Variants in SAMHD1 observed in about 807,000 individuals in gnomAD.
The protein encoded by SAMHD1 is deoxynucleoside triphosphate triphosphohydrolase SAMHD1.
In SAMHD1, 54 loss-of-function variants were observed where a neutral mutation model predicts 79.6. The ratio of observed to expected loss-of-function variants is 0.68; its 90% confidence interval spans 0.55 to 0.85. SAMHD1 has a LOEUF of 0.85. Ranked by LOEUF, SAMHD1 falls within the 40% of genes least tolerant of loss-of-function variation. The pLI is 0.00. For missense variants in SAMHD1, 663 were observed against 782.7 expected, an observed-to-expected ratio of 0.85 and a Z score of 1.82; for synonymous variants, 260 against 264.1, an observed-to-expected ratio of 0.98 and a Z score of 0.15.
chr20:36,892,800 G>T lies in SAMHD1; in HGVS notation c.*132C>A. The stretch of plus-strand genomic sequence containing the variant: ...TATTTCTTTGATTAAAAGTTACTTA[G>T]CTTCAGCATGCGTGTACATTCAAAA... On this transcript the variant is annotated 3_prime_UTR_variant, in exon 16 of 16. Coordinates refer to ENST00000646673, the MANE Select transcript of SAMHD1 (RefSeq NM_015474.4). The T allele has an allele frequency of 8.7e-7, 1 of 1,148,162 alleles. No individual in the cohort carries two copies. The highest frequency in any genetic ancestry group is 1.3e-6 in the Non-Finnish European group (1 of 757,654). The allele number at this position is 1,148,162 out of a possible 1,614,324, so 71.1% of individuals were successfully genotyped here. A position where few individuals can be genotyped will look rare whatever the true frequency, so the allele number is the denominator to read the frequency against.
intron 3 of SAMHD1, among the ~76,000 whole-genome samples, chr20:36,939,563 C>T (rs1004827704): frequency 2.0e-5 from 3 of 151,610 alleles, no homozygotes; most frequent in African/African-American, 7.3e-5. Context: ...CCACTGCACT[C>T]CAGCCTAGAC....
At chr20:36,937,002 G>A (rs756202168) in intron 3 of SAMHD1, among the ~76,000 whole-genome samples, 2 of 151,932 alleles carry the variant, frequency 1.3e-5, no homozygotes, top group South Asian at 2.1e-4. Context: ...TTAGCTGGGC[G>A]TGGTGGTGGG....
intron 4 of SAMHD1, among the ~76,000 whole-genome samples, chr20:36,932,813 T>C (rs1488700682): frequency 6.6e-6 from 1 of 152,156 alleles, no homozygotes; most frequent in South Asian, 2.1e-4. Flanking sequence ...GATAAGAGTT[T>C]TGGCAATCGA....
At chr20:36,915,722 G>GGGA (rs1470326353) in intron 9 of SAMHD1, among the ~76,000 whole-genome samples, 1 of 151,274 alleles carries the variant, frequency 6.6e-6, no homozygotes, top group Non-Finnish European at 1.5e-5. Context: ...AGGCAACAGT[G>GGGA]GGAGACTCCA....
chr20:36,904,272 T>G, intron 12 of SAMHD1, 23 bp from the exon 13 acceptor site: 1 of 1,500,576 alleles, frequency 6.7e-7, no homozygotes, highest in Non-Finnish European at 9.3e-7. Flanking sequence ...AGACTCCCCA[T>G]GTTAGAATCC....
intron 15 of SAMHD1, among the ~76,000 whole-genome samples, chr20:36,894,573 C>T (rs1396303656): frequency 6.6e-6 from 1 of 151,414 alleles, no homozygotes; most frequent in East Asian, 2.0e-4. Context: ...TCAAGACCAG[C>T]CTGGGCAACA....
At chr20:36,913,814 C>T (rs577969359) in intron 9 of SAMHD1, among the ~76,000 whole-genome samples, 12 of 147,410 alleles carry the variant, frequency 8.1e-5, no homozygotes, top group African/African-American at 3.0e-4. Context: ...TGCAGTGGCA[C>T]ACAATCTTGG....
intron 11 of SAMHD1, among the ~76,000 whole-genome samples, chr20:36,909,120 C>T (rs2063421971): frequency 6.6e-6 from 1 of 152,066 alleles, no homozygotes; most frequent in Non-Finnish European, 1.5e-5. Context: ...TGCCACCACG[C>T]CTGGCTCATT....
At chr20:36,936,702 C>G (rs1456201436) in intron 3 of SAMHD1, among the ~76,000 whole-genome samples, 1 of 151,998 alleles carries the variant, frequency 6.6e-6, no homozygotes, top group Non-Finnish European at 1.5e-5. Flanking sequence ...TTTTTTGAGA[C>G]AGAGTCTAGC....
intron 1 of SAMHD1, among the ~76,000 whole-genome samples, chr20:36,948,670 C>T (rs550849954): frequency 1.3e-5 from 2 of 149,270 alleles, no homozygotes; most frequent in South Asian, 4.3e-4. Flanking sequence ...AGATTAAGAC[C>T]ATCCTGGCCA....
rs145956391 is a variant in SAMHD1, at chr20:36,948,403, C to T, written c.209-1599G>A. 3.8e-3 allele frequency among the ~76,000 whole-genome samples: 573 copies of T among 152,162 alleles called. 2 individuals are homozygous for T. Among genetic ancestry groups the T allele is most frequent in the Middle Eastern group, 0.014 (4 of 294 alleles). ...AAGTAGCTGGGACTACAGGCACATA[C>T]CACCATGCCCGGCTAATTTTTGTAT... On this transcript the variant is annotated intron_variant, in intron 1 of 15. Transcript: ENST00000646673.
chr20:36,922,915 T>G (rs1005170250), intron 6 of SAMHD1, among the ~76,000 whole-genome samples: 8 of 151,072 alleles, frequency 5.3e-5, no homozygotes, highest in Non-Finnish European at 1.0e-4. Flanking sequence ...TCCCAAAATG[T>G]TGATATTACA....
intron 13 of SAMHD1, among the ~76,000 whole-genome samples, chr20:36,902,596 TTA>T (rs1990325463): frequency 6.6e-6 from 1 of 152,122 alleles, no homozygotes; most frequent in Admixed American, 6.6e-5. Flanking sequence ...CCAGGAGCAT[TTA>T]TGTGTCCAGG....
chr20:36,915,085 T>C (rs1267250044), intron 9 of SAMHD1, among the ~76,000 whole-genome samples: 1 of 152,092 alleles, frequency 6.6e-6, no homozygotes, highest in Non-Finnish European at 1.5e-5. Flanking sequence ...GGCTCACACC[T>C]ATAATCATAG....
In SAMHD1 at chr20:36,919,424, A is replaced by G. The variant is rs774333580; in HGVS notation, c.792T>C (p.Asp264=). The G allele has an allele frequency of 6.2e-7, 1 of 1,613,634 alleles. No individual in the cohort carries two copies. The highest frequency in any genetic ancestry group is 1.1e-5 in the South Asian group (1 of 91,070). ...MEQYGLIPEE[D]ICFIKEQIVG... ...CAATTTGTTCCTTTATAAAGCAAATATCTTCTTCAGGGATGAGACCATATT... is the reference window on the plus strand; with the variant it reads ...CAATTTGTTCCTTTATAAAGCAAATGTCTTCTTCAGGGATGAGACCATATT... The change falls in exon 7 of 16, where the codon GAT becomes GAC. Residue 264 remains aspartate (D), a synonymous_variant. Coordinates refer to ENST00000646673, the MANE Select transcript of SAMHD1 (RefSeq NM_015474.4).
At position 36,898,613 on chromosome 20, in the gene SAMHD1, T is replaced by C; in HGVS notation, c.1504-69A>G. On this transcript the variant is annotated intron_variant, in intron 13 of 15. Coordinates refer to ENST00000646673, the MANE Select transcript of SAMHD1 (RefSeq NM_015474.4). The stretch of plus-strand genomic sequence containing the variant: ...AACTGAACTCAGGGCTGTAGGAGCA[T>C]AACAAGAAATGGAACAGAGGCCGGG... The C allele has an allele frequency of 3.2e-6, 4 of 1,236,270 alleles. No homozygotes were observed. In the East Asian group the frequency reaches 9.4e-5, roughly 29 times the overall value. The allele number at this position is 1,236,270 out of a possible 1,614,324, so 76.6% of individuals were successfully genotyped here. A position where few individuals can be genotyped will look rare whatever the true frequency, so the allele number is the denominator to read the frequency against.
chr20:36,890,917 CAAT>C lies in SAMHD1; in HGVS notation c.*2012_*2014del, dbSNP rs1990060001. 1 of 152,170 alleles carries C rather than the reference CAAT, an allele frequency of 6.6e-6. No individual in the cohort carries two copies. Among genetic ancestry groups the C allele is most frequent in the Non-Finnish European group, 1.5e-5 (1 of 68,026 alleles). The allele number at this position is 152,170 out of a possible 1,614,324, so 9.4% of individuals were successfully genotyped here. A position where few individuals can be genotyped will look rare whatever the true frequency, so the allele number is the denominator to read the frequency against. On this transcript the variant is annotated 3_prime_UTR_variant, in exon 16 of 16. Coordinates refer to ENST00000646673, the MANE Select transcript of SAMHD1 (RefSeq NM_015474.4). ...TTGTTTTGCAGACAGCACAATGATA[CAAT>C]ATTAGGACTACAGAATCTCAGAGTA...
At chr20:36,921,473 G>A (rs6016755) in intron 6 of SAMHD1, among the ~76,000 whole-genome samples, 135,184 of 150,106 alleles carry the variant, frequency 0.9, 61,121 homozygotes, top group East Asian at 1. Context: ...ATAATGGAGA[G>A]ATTTGACAGA....
intron 3 of SAMHD1, among the ~76,000 whole-genome samples, chr20:36,936,221 CAG>C (rs2063602565): frequency 6.6e-6 from 1 of 151,992 alleles, no homozygotes; most frequent in African/African-American, 2.4e-5. Flanking sequence ...GCCTGGGCGA[CAG>C]AGAGAAACTC....
Sources: gnomAD v4.1 joint callset for allele counts (sites outside exome capture counted in the v4.1 genomes callset) on GRCh38, gnomAD v4.1.1 for gene constraint, MANE v1.5 for transcripts, NCBI Gene and HGNC (gene_info 2026-07-23, HGNC 2026-07-21) for gene names.